Variants in SLC30A8 observed in about 807,000 individuals in gnomAD.
The protein encoded by SLC30A8 is solute carrier family 30 member 8.
SLC30A8 carries 27 observed loss-of-function variants against 36.9 expected under a neutral mutation model. That is an observed-to-expected ratio of 0.73 (90% confidence interval 0.54 to 1.01). The LOEUF (loss-of-function observed/expected upper bound fraction) is 1.01, where lower values mean the gene tolerates loss of function less well. SLC30A8 is among the 50% of genes least tolerant of loss of function. The pLI is 0.00. For missense variants in SLC30A8, 439 were observed against 452.0 expected (o/e 0.97, Z 0.26); for synonymous variants, 164 against 172.4 (o/e 0.95, Z 0.38).
intron 2 of SLC30A8, among the ~76,000 whole-genome samples, chr8:117,051,745 G>A (rs370122913): frequency 6.2e-4 from 94 of 152,000 alleles, no homozygotes; most frequent in African/African-American, 2.0e-3. Flanking sequence ...CCCGGGGGGC[G>A]GAGCTTGCAG....
intron 1 of SLC30A8, among the ~76,000 whole-genome samples, chr8:116,957,300 G>A (rs1586324661): frequency 1.3e-5 from 2 of 150,878 alleles, no homozygotes; most frequent in East Asian, 3.9e-4. Flanking sequence ...TTTTTGAGAT[G>A]AAGTCTCGCT....
At chr8:117,138,533 C>CA (rs1426587256) in intron 1 of SLC30A8, among the ~76,000 whole-genome samples, 3 of 151,876 alleles carry the variant, frequency 2.0e-5, no homozygotes, top group Non-Finnish European at 2.9e-5. Context: ...ACCCCTAGAG[C>CA]AAAAGGCTGT....
At chr8:116,967,887 G>A (rs1016300842) in intron 1 of SLC30A8, among the ~76,000 whole-genome samples, 2 of 152,022 alleles carry the variant, frequency 1.3e-5, no homozygotes, top group African/African-American at 4.8e-5. Flanking sequence ...AATATGAATC[G>A]TCCCGGTTTT....
At chr8:117,070,731 C>T (rs944198611) in intron 2 of SLC30A8, among the ~76,000 whole-genome samples, 1 of 152,150 alleles carries the variant, frequency 6.6e-6, no homozygotes, top group African/African-American at 2.4e-5. Context: ...AGCAACTTTC[C>T]ATTCCCTCTC....
chr8:117,169,798 AACTC>A (rs1407777878), intron 6 of SLC30A8, among the ~76,000 whole-genome samples: 1 of 152,012 alleles, frequency 6.6e-6, no homozygotes, highest in Non-Finnish European at 1.5e-5. Flanking sequence ...ATCTTGCAAG[AACTC>A]ACTCATCATC....
At chr8:117,170,963 G>C in intron 6 of SLC30A8, 71 bp from the exon 7 acceptor site, 1 of 1,382,994 alleles carries the variant, frequency 7.2e-7, no homozygotes, top group South Asian at 1.5e-5. Flanking sequence ...GGACTTTGCA[G>C]CTTGTTTAGG....
Position 117,062,874 on chromosome 8 carries a change from TGTGAG to T in SLC30A8, c.-226+23617_-226+23621del, listed in dbSNP as rs572304651. On this transcript the variant is annotated intron_variant, in intron 2 of 10. Transcript: ENST00000427715. ...CCATAGTTTTCGTCCACAGTGGTCTTGTGAGAGGGAGTTTAAAGCCCCTTTGGCAG... is the reference window on the plus strand; with the variant it reads ...CCATAGTTTTCGTCCACAGTGGTCTTAGGGAGTTTAAAGCCCCTTTGGCAG... 7.4e-4 allele frequency among the ~76,000 whole-genome samples: 113 copies of T among 152,340 alleles called. 1 individual carries two copies. Among genetic ancestry groups the T allele is most frequent in the African/African-American group, 2.6e-3 (110 of 41,568 alleles).
intron 1 of SLC30A8, among the ~76,000 whole-genome samples, chr8:116,999,597 A>G (rs557264008): frequency 2.0e-5 from 3 of 152,228 alleles, no homozygotes; most frequent in Non-Finnish European, 2.9e-5. Context: ...GGAATCAGCT[A>G]TTGGAACATA....
intron 2 of SLC30A8, among the ~76,000 whole-genome samples, chr8:117,081,086 C>T (rs890643675): frequency 6.6e-6 from 1 of 152,140 alleles, no homozygotes; most frequent in Non-Finnish European, 1.5e-5. Context: ...GCAGAGTCAT[C>T]TGCATCTTAT....
intron 1 of SLC30A8, among the ~76,000 whole-genome samples, chr8:116,976,180 G>A (rs980111486): frequency 6.6e-6 from 1 of 151,222 alleles, no homozygotes; most frequent in Admixed American, 6.6e-5. Flanking sequence ...TTAGCCAGGT[G>A]TGGTGACGCA....
At chr8:117,011,531 G>A (rs1816344478) in intron 1 of SLC30A8, among the ~76,000 whole-genome samples, 1 of 152,182 alleles carries the variant, frequency 6.6e-6, no homozygotes, top group Admixed American at 6.5e-5. Flanking sequence ...GAGAAGCCTA[G>A]AGAGAGCTGA....
At chr8:117,041,504 A>C (rs981980035) in intron 2 of SLC30A8, among the ~76,000 whole-genome samples, 4 of 152,236 alleles carry the variant, frequency 2.6e-5, no homozygotes, top group African/African-American at 7.2e-5. Flanking sequence ...GCTGCTTAAC[A>C]GAGTGAAACC....
At chr8:117,090,075 C>T (rs566991122) in intron 2 of SLC30A8, among the ~76,000 whole-genome samples, 102 of 152,124 alleles carry the variant, frequency 6.7e-4, no homozygotes, top group African/African-American at 2.4e-3. Flanking sequence ...CAGGTTCAAG[C>T]GATTCTTCTG....
intron 2 of SLC30A8, among the ~76,000 whole-genome samples, chr8:117,121,552 C>A (rs1820695989): frequency 6.6e-6 from 1 of 151,918 alleles, no homozygotes; most frequent in African/African-American, 2.4e-5. Context: ...GGACACCAAT[C>A]TCATTCATGA....
chr8:117,121,292 A>G (rs1048295599), intron 2 of SLC30A8, among the ~76,000 whole-genome samples: 11 of 151,992 alleles, frequency 7.2e-5, no homozygotes, highest in Non-Finnish European at 1.3e-4. Context: ...TATACATACA[A>G]TGGAATATTA....
chr8:117,097,193 A>C (rs1819407111), intron 2 of SLC30A8, among the ~76,000 whole-genome samples: 1 of 151,048 alleles, frequency 6.6e-6, no homozygotes, highest in Non-Finnish European at 1.5e-5. Flanking sequence ...AGGTCAGGAG[A>C]TCGAGACCAT....
At chr8:117,159,300 A>G (rs908647385) in intron 4 of SLC30A8, among the ~76,000 whole-genome samples, 2 of 152,230 alleles carry the variant, frequency 1.3e-5, no homozygotes, top group Admixed American at 1.3e-4. Context: ...GACACATGCT[A>G]TGAGGTAGAT....
chr8:116,954,999 A>T (rs555209616), intron 1 of SLC30A8, among the ~76,000 whole-genome samples: 31 of 152,376 alleles, frequency 2.0e-4, no homozygotes, highest in Middle Eastern at 3.4e-3. Context: ...TAAATGTATC[A>T]GTTGATGAAA....
intron 2 of SLC30A8, among the ~76,000 whole-genome samples, chr8:117,104,009 A>G (rs936501483): frequency 1.3e-5 from 2 of 152,146 alleles, no homozygotes; most frequent in African/African-American, 4.8e-5. Context: ...CCATTAGACA[A>G]AAAGTTTCTC....
Sources: gnomAD v4.1 joint callset for allele counts (sites outside exome capture counted in the v4.1 genomes callset) on GRCh38, gnomAD v4.1.1 for gene constraint, MANE v1.5 for transcripts, NCBI Gene and HGNC (gene_info 2026-07-23, HGNC 2026-07-21) for gene names.